The following LMBR1 variants were observed in gnomAD, a reference collection of about 807,000 sequenced individuals.
LMBR1 encodes the protein limb development membrane protein 1.
Under a neutral mutation model 73.9 loss-of-function variants are expected in LMBR1, and 52 were observed. The observed-to-expected ratio is 0.70, with a 90% CI of 0.56 to 0.89. The LOEUF is 0.89. Ranked by LOEUF, LMBR1 falls within the 40% of genes least tolerant of loss-of-function variation. LMBR1 has a pLI of 0.00. For synonymous variants in LMBR1, 215 were observed against 209.4 expected (o/e 1.03, Z -0.23); for missense variants, 539 against 579.8 (o/e 0.93, Z 0.72).
At chr7:156,866,354 G>A (rs1268414411) in intron 1 of LMBR1, among the ~76,000 whole-genome samples, 1 of 152,060 alleles carries the variant, frequency 6.6e-6, no homozygotes, top group East Asian at 1.9e-4. Context: ...AGGCAAAGAG[G>A]AGAGGTCTAC....
At chr7:156,890,052 C>T (rs1345821300) in intron 1 of LMBR1, among the ~76,000 whole-genome samples, 4 of 152,106 alleles carry the variant, frequency 2.6e-5, no homozygotes, top group Non-Finnish European at 5.9e-5. Flanking sequence ...AATAAAACCA[C>T]ATAAAGTCCA....
chr7:156,672,306 C>G (rs1338941708), intron 4 of LMBR1, among the ~76,000 whole-genome samples: 1 of 152,086 alleles, frequency 6.6e-6, no homozygotes, highest in African/African-American at 2.4e-5. Context: ...ACGACAGGTG[C>G]AAAACCCTTT....
At chr7:156,795,736 A>G (rs993961624) in intron 5 of LMBR1, among the ~76,000 whole-genome samples, 1 of 152,050 alleles carries the variant, frequency 6.6e-6, no homozygotes, top group Non-Finnish European at 1.5e-5. Context: ...TATTTTTAGT[A>G]CAGACAGGGT....
At chr7:156,716,563 G>A (rs904125800) in intron 15 of LMBR1, among the ~76,000 whole-genome samples, 2 of 152,170 alleles carry the variant, frequency 1.3e-5, no homozygotes. Context: ...ATCTTCCTGA[G>A]GAAAGTTCTC....
intron 4 of LMBR1, among the ~76,000 whole-genome samples, chr7:156,808,832 C>T (rs540466918): frequency 2.2e-4 from 34 of 152,152 alleles, no homozygotes; most frequent in African/African-American, 7.5e-4. Flanking sequence ...ATGAAATAGC[C>T]ATTCCTTTTA....
Position 156,681,173 on chromosome 7 carries a change from A to T in LMBR1, c.*2905T>A, listed in dbSNP as rs574914124. 123 of 454,234 alleles carry T rather than the reference A, an allele frequency of 2.7e-4. 1 individual carries two copies. In the East Asian group the frequency reaches 8.3e-3, roughly 31 times the overall value. 28.1% of individuals were successfully genotyped at this position (454,234 alleles called of 1,614,324 possible). A position where few individuals can be genotyped will look rare whatever the true frequency, so the allele number is the denominator to read the frequency against. On this transcript the variant is annotated 3_prime_UTR_variant, in exon 17 of 17. Transcript: ENST00000353442. ...AGCACATAAGAGCCTGTAAATGATG[A>T]AAACCTGTGTCCCTGGCAGACGAGG...
downstream of LMBR1, among the ~76,000 whole-genome samples, chr7:156,674,673 C>T (rs2131730490): frequency 6.6e-6 from 1 of 152,138 alleles, no homozygotes; most frequent in Middle Eastern, 3.4e-3. Flanking sequence ...GATGCTGTCT[C>T]CACCAAACCA....
At chr7:156,801,435 T>A (rs1466628547) in intron 4 of LMBR1, among the ~76,000 whole-genome samples, 1 of 152,200 alleles carries the variant, frequency 6.6e-6, no homozygotes, top group Non-Finnish European at 1.5e-5. Context: ...AATCAAAAAA[T>A]TTGTGTGATT....
In LMBR1 at chr7:156,685,178, T is replaced by C. The variant is rs542741922; in HGVS notation, c.1388-1015A>G. On this transcript the variant is annotated intron_variant, in intron 16 of 16. Coordinates refer to ENST00000353442, the MANE Select transcript of LMBR1 (RefSeq NM_022458.4). This position sits in a 1 kb window ranked among gnomAD's most constrained non-coding sequence, Gnocchi z 4.1. ...ACTATCACTATCTTTTAAAGTTACA[T>C]TTATTTCTCTCTGTATCATAAAACA... is the stretch of plus-strand genomic sequence containing the variant. 3.0e-4 allele frequency among the ~76,000 whole-genome samples: 45 copies of C among 152,346 alleles called. No individual in the cohort carries two copies. Among genetic ancestry groups the C allele is most frequent in the Non-Finnish European group, 6.0e-4 (41 of 68,022 alleles).
chr7:156,753,557 A>G (rs1312472202), intron 9 of LMBR1, among the ~76,000 whole-genome samples: 1 of 152,124 alleles, frequency 6.6e-6, no homozygotes, highest in Non-Finnish European at 1.5e-5. Flanking sequence ...AAATGGCACA[A>G]GCAGAAAGTT....
intron 4 of LMBR1, among the ~76,000 whole-genome samples, chr7:156,809,177 A>G (rs1832668554): frequency 6.6e-6 from 1 of 152,214 alleles, no homozygotes; most frequent in African/African-American, 2.4e-5. Flanking sequence ...CTAGATATCT[A>G]TCTCCTACCC....
intron 1 of LMBR1, among the ~76,000 whole-genome samples, chr7:156,859,248 CAAAA>C (rs35511512): frequency 2.2e-5 from 3 of 134,160 alleles, no homozygotes; most frequent in Admixed American, 1.5e-4. Context: ...AACTCCGTCT[CAAAA>C]AAAAAAAAAA....
At chr7:156,693,840 A>C (rs1455757692) in intron 15 of LMBR1, among the ~76,000 whole-genome samples, 3 of 152,228 alleles carry the variant, frequency 2.0e-5, no homozygotes, top group African/African-American at 7.2e-5. Flanking sequence ...CAACAAAAGT[A>C]AAGAAAACTA....
intron 1 of LMBR1, among the ~76,000 whole-genome samples, chr7:156,846,404 T>G (rs1324660211): frequency 6.6e-6 from 1 of 152,134 alleles, no homozygotes; most frequent in African/African-American, 2.4e-5. Context: ...ATTAATTAAT[T>G]TAATGTAAAT....
At chr7:156,794,081 T>C (rs1829687579) in intron 5 of LMBR1, among the ~76,000 whole-genome samples, 1 of 152,218 alleles carries the variant, frequency 6.6e-6, no homozygotes, top group African/African-American at 2.4e-5. Context: ...ACTTCCCAAG[T>C]TGGACAAATG....
chr7:156,828,358 T>C (rs1836068129), intron 3 of LMBR1, among the ~76,000 whole-genome samples: 3 of 152,242 alleles, frequency 2.0e-5, no homozygotes, highest in Non-Finnish European at 4.4e-5. Context: ...CTAAACATCA[T>C]TTGCCCTGTG....
chr7:156,779,690 T>C (rs1210277627), intron 5 of LMBR1: 2 of 1,286,558 alleles, frequency 1.6e-6, no homozygotes, highest in South Asian at 2.5e-5. Flanking sequence ...GTTTCTATGG[T>C]GATGAACATT....
At chr7:156,831,222 C>T (rs6459710) in intron 3 of LMBR1, among the ~76,000 whole-genome samples, 2 of 149,952 alleles carry the variant, frequency 1.3e-5, no homozygotes, top group African/African-American at 2.5e-5. Flanking sequence ...AAAAGCGCTA[C>T]GGTGGAGGAA....
chr7:156,692,992 G>A (rs1022883926), intron 15 of LMBR1, among the ~76,000 whole-genome samples: 1 of 152,068 alleles, frequency 6.6e-6, no homozygotes, highest in Non-Finnish European at 1.5e-5. Flanking sequence ...AATTATACTA[G>A]ATAGGATTAA....
Sources: gnomAD v4.1 joint callset for allele counts (sites outside exome capture counted in the v4.1 genomes callset) on GRCh38, gnomAD v4.1.1 for gene constraint, Gnocchi (gnomAD v3.1) non-coding constraint, MANE v1.5 for transcripts, NCBI Gene and HGNC (gene_info 2026-07-23, HGNC 2026-07-21) for gene names.